The following SNF8 variants were observed in gnomAD, a reference collection of about 807,000 sequenced individuals.
The protein encoded by SNF8 is vacuolar-sorting protein SNF8.
In SNF8, 19 loss-of-function variants were observed where a neutral mutation model predicts 36.8. That is an observed-to-expected ratio of 0.52 (90% CI 0.36 to 0.76). The LOEUF (loss-of-function observed/expected upper bound fraction) is 0.76, where lower values mean the gene tolerates loss of function less well. SNF8 is among the 30% of genes least tolerant of loss of function. SNF8 has a pLI of 0.00. For missense variants in SNF8, 268 were observed against 322.9 expected (o/e 0.83, Z 1.30); for synonymous variants, 127 against 127.4 (o/e 1.00, Z 0.02).
At chr17:48,936,276 G>C in intron 4 of SNF8, 34 bp from the exon 5 acceptor site, 2 of 1,524,524 alleles carry the variant, frequency 1.3e-6, no homozygotes, top group Non-Finnish European at 1.8e-6. Context: ...ATCAGAAAAA[G>C]AGATTACCCA....
chr17:48,937,310 C>T (rs760847049), intron 3 of SNF8, 186 bp from the exon 4 acceptor site: 7 of 697,114 alleles, frequency 1.0e-5, no homozygotes, highest in African/African-American at 5.3e-5. Context: ...CAGGGTCAGA[C>T]GGCTCCAGAG....
Position 48,943,957 on chromosome 17 carries a change from C to T in SNF8, c.73G>A (p.Gly25Arg). The change falls in exon 2 of 8, where the codon GGG (glycine) becomes AGG (arginine). Residue 25 changes from glycine (G) to arginine (R), a missense_variant. Physicochemically the swap from Gly to Arg is moderately radical, Grantham distance 125 (BLOSUM62 -2). Coordinates refer to ENST00000502492, the MANE Select transcript of SNF8 (RefSeq NM_007241.4). ...KLAEAKYKERGTVLAEDQLAQ... is the reference protein window; with the variant it reads ...KLAEAKYKERRTVLAEDQLAQ... The stretch of plus-strand genomic sequence containing the variant: ...AGCTGGTCCTCAGCCAAGACCGTCC[C>T]TCGCTCCTTATACTTGGCCTGTCAG... The T allele has an allele frequency of 1.2e-6, 2 of 1,614,050 alleles. No homozygotes were observed. Among genetic ancestry groups the T allele is most frequent in the Non-Finnish European group, 1.7e-6 (2 of 1,179,962 alleles).
chr17:48,943,889 T>C, intron 2 of SNF8, 36 bp downstream of exon 2: 1 of 1,599,492 alleles, frequency 6.3e-7, no homozygotes, highest in South Asian at 1.1e-5. Context: ...CCTGGTTAGG[T>C]CTCCCTCCCT....
intron 2 of SNF8, 152 bp from the exon 3 acceptor site, chr17:48,941,214 C>A: frequency 1.2e-6 from 1 of 820,644 alleles, no homozygotes; most frequent in Non-Finnish European, 1.9e-6. Context: ...TCTTTTTATC[C>A]CTGCCTCTCC....
intron 4 of SNF8, 88 bp downstream of exon 4, chr17:48,936,932 G>T: frequency 1.0e-6 from 1 of 985,838 alleles, no homozygotes; most frequent in African/African-American, 1.6e-5. Context: ...GAGGCCTGTA[G>T]ACTGCAGGAT....
At chr17:48,933,728 C>A (rs3785953) in intron 5 of SNF8, 19,162 of 176,418 alleles carry the variant, frequency 0.11, 2,077 homozygotes, top group East Asian at 0.59. Flanking sequence ...AGAGCGAGAC[C>A]CTGCCTCTAA....
chr17:48,930,733 T>C (rs550693970), intron 7 of SNF8, 121 bp from the exon 8 acceptor site: 166 of 1,056,434 alleles, frequency 1.6e-4, no homozygotes, highest in East Asian at 1.3e-3. Flanking sequence ...ATCTACTAAG[T>C]GCCTTCAAAC....
At chr17:48,939,829 C>T (rs2040993844) in intron 3 of SNF8, among the ~76,000 whole-genome samples, 2 of 151,912 alleles carry the variant, frequency 1.3e-5, no homozygotes, top group African/African-American at 4.8e-5. Flanking sequence ...AATCCCAGCA[C>T]TCTGGAAGGC....
chr17:48,944,820 A>G lies in SNF8; in HGVS notation c.-86T>C. 1 of 1,412,818 alleles carries G rather than the reference A, an allele frequency of 7.1e-7. No individual in the cohort carries two copies. The highest frequency in any genetic ancestry group is 9.1e-7 in the Non-Finnish European group (1 of 1,094,768). The allele number at this position is 1,412,818 out of a possible 1,614,324, so 87.5% of individuals were successfully genotyped here. A position where few individuals can be genotyped will look rare whatever the true frequency, so the allele number is the denominator to read the frequency against. On this transcript the variant is annotated 5_prime_UTR_variant, in exon 1 of 8. Coordinates refer to ENST00000502492, the MANE Select transcript of SNF8 (RefSeq NM_007241.4). ...TCCGCCGCCGGCTCCCCAAGGCGGA[A>G]GCCCGAGCCGCGCGTCATCTGCACG...
chr17:48,941,191 T>C, intron 2 of SNF8, 129 bp from the exon 3 acceptor site: 1 of 1,000,654 alleles, frequency 1.0e-6, no homozygotes, highest in South Asian at 1.5e-5. Context: ...ACCATTATGC[T>C]GTTTACCATC....
rs2040938381 is a variant in SNF8 at position 48,936,659 on chromosome 17, G to C, written c.349+361C>G. The stretch of plus-strand genomic sequence containing the variant: ...TCACATTTTAGGGAACACAGACTCA[G>C]TTGGCATTCCCATACGTCGGAGAGA... On this transcript the variant is annotated intron_variant, in intron 4 of 7. Transcript: ENST00000502492. The C allele has an allele frequency of 1.8e-5, 6 of 333,090 alleles. No individual in the cohort carries two copies. In the South Asian group the frequency reaches 2.3e-4, roughly 13 times the overall value. 20.6% of individuals were successfully genotyped at this position (333,090 alleles called of 1,614,324 possible).
chr17:48,933,852 G>A (rs2040896563), intron 5 of SNF8, among the ~76,000 whole-genome samples: 1 of 152,228 alleles, frequency 6.6e-6, no homozygotes, highest in South Asian at 2.1e-4. Flanking sequence ...TCTGCTCAGC[G>A]AACCACTCAT....
intron 2 of SNF8, among the ~76,000 whole-genome samples, chr17:48,942,123 A>C (rs932989435): frequency 6.6e-6 from 1 of 152,172 alleles, no homozygotes; most frequent in Non-Finnish European, 1.5e-5. Context: ...GTTAAATACA[A>C]AAGACTTGGG....
At chr17:48,942,941 C>A (rs577222378) in intron 2 of SNF8, among the ~76,000 whole-genome samples, 174 of 147,430 alleles carry the variant, frequency 1.2e-3, no homozygotes, top group African/African-American at 4.2e-3. Flanking sequence ...TCCTGGCTCA[C>A]TGCAACCTCT....
chr17:48,938,441 A>G (rs2040967755), intron 3 of SNF8, among the ~76,000 whole-genome samples: 1 of 146,428 alleles, frequency 6.8e-6, no homozygotes, highest in African/African-American at 2.5e-5. Context: ...GGTTGCAGTG[A>G]CCCAAGATCA....
chr17:48,933,371 C>T (rs369597325), intron 5 of SNF8, 25 bp from the exon 6 acceptor site: 30 of 1,613,684 alleles, frequency 1.9e-5, no homozygotes, highest in Middle Eastern at 1.7e-4. Context: ...AGTTGCTTAA[C>T]GACCCTTGGC....
In SNF8 at chr17:48,941,213, C is replaced by A. The variant is rs2041018634; in HGVS notation, c.106-151G>T. ...TGCTGTTTACCATCTCTCTTTTTAT[C>A]CCTGCCTCTCCTTCACAGTTCTGTT... On this transcript the variant is annotated intron_variant, in intron 2 of 7. Coordinates refer to ENST00000502492, the MANE Select transcript of SNF8 (RefSeq NM_007241.4). 4 of 827,536 alleles carry A rather than the reference C, an allele frequency of 4.8e-6. No individual in the cohort carries two copies. In the Admixed American group the frequency reaches 1.0e-4, roughly 21 times the overall value. 51.3% of individuals were successfully genotyped at this position (827,536 alleles called of 1,614,324 possible).
intron 6 of SNF8, chr17:48,932,587 C>CT (rs2040875653): frequency 6.6e-6 from 1 of 152,072 alleles, no homozygotes; most frequent in African/African-American, 2.4e-5. Flanking sequence ...AACCCCATCT[C>CT]TACTAAAAAT....
At chr17:48,942,846 CCTTTT>C (rs1465724791) in intron 2 of SNF8, among the ~76,000 whole-genome samples, 2 of 97,988 alleles carry the variant, frequency 2.0e-5, no homozygotes, top group Admixed American at 1.3e-4. Context: ...CCGCACCCGG[CCTTTT>C]TTTTTTTTTT....
Sources: allele counts gnomAD v4.1 joint callset (sites outside exome capture counted in the v4.1 genomes callset), GRCh38; gene constraint gnomAD v4.1.1; transcripts MANE v1.5; gene names NCBI Gene and HGNC (gene_info 2026-07-23, HGNC 2026-07-21).